The following NAV3 variants were observed in gnomAD, a reference collection of about 807,000 sequenced individuals.
NAV3 encodes the protein pore membrane and/or filament interacting like protein 1.
Under a neutral mutation model 244.7 loss-of-function variants are expected in NAV3, and 87 were observed. That is an observed-to-expected ratio of 0.36 (90% CI 0.30 to 0.42). The LOEUF (loss-of-function observed/expected upper bound fraction) is 0.42. Ranked by LOEUF, NAV3 falls within the 20% of genes least tolerant of loss-of-function variation. NAV3 has a pLI of 1.00. For missense variants in NAV3, 2,663 were observed against 2,893.3 expected (o/e 0.92, Z 1.83); for synonymous variants, 1,126 against 1,042.2 (o/e 1.08, Z -1.55).
intron 2 of NAV3, among the ~76,000 whole-genome samples, chr12:77,622,999 T>C (rs1246433620): frequency 6.6e-6 from 1 of 152,166 alleles, no homozygotes; most frequent in Admixed American, 6.5e-5. Flanking sequence ...AATACAATCT[T>C]TTGTTAGACA....
Position 78,119,776 on chromosome 12 carries a change from G to A in NAV3, c.3580G>A (p.Val1194Ile), listed in dbSNP as rs998421963. The A allele has an allele frequency of 5.6e-6, 9 of 1,613,934 alleles. No individual in the cohort carries two copies. The highest frequency in any genetic ancestry group is 2.2e-5 in the East Asian group (1 of 44,880). ...IGSGRSSPVT[V>I]NQTDKEKEKV... is the part of the protein sequence containing the mutation. Reference sequence around the variant, plus strand: ...GTCAGGGCGCTCGAGTCCTGTCACCGTCAACCAAACAGACAAGGAAAAGGA... The same window carrying A: ...GTCAGGGCGCTCGAGTCCTGTCACCATCAACCAAACAGACAAGGAAAAGGA... The change falls in exon 15 of 40, where the codon GTC becomes ATC. Residue 1194 changes from valine to isoleucine, a missense_variant. Around this residue, in one of 6 missense-constraint regions of NAV3, gnomAD observed 1,521 missense variants for 1,497.0 expected, o/e 1.02. Coordinates refer to ENST00000397909, the MANE Select transcript of NAV3 (RefSeq NM_001024383.2).
intron 1 of NAV3, among the ~76,000 whole-genome samples, chr12:77,867,932 TA>T (rs2136414570): frequency 6.6e-6 from 1 of 152,232 alleles, no homozygotes; most frequent in East Asian, 1.9e-4. Context: ...CAAATCTGAG[TA>T]AATCACTAGG....
In NAV3 at chr12:77,941,122, C is replaced by A; in HGVS notation, c.403C>A (p.Gln135Lys). 2 of 1,567,560 alleles carry A rather than the reference C, an allele frequency of 1.3e-6. No homozygotes were observed. Among genetic ancestry groups the A allele is most frequent in the South Asian group, 2.3e-5 (2 of 87,910 alleles). The change falls in exon 3 of 40, where the codon CAG becomes AAG. Residue 135 changes from glutamine to lysine, a missense_variant. This residue lies in a region of NAV3 where 1,521 missense variants were observed against 1,497.0 expected (regional missense o/e 1.02). Coordinates refer to ENST00000397909, the MANE Select transcript of NAV3 (RefSeq NM_001024383.2). ...AGATATCAATGGATGTCCTAGAAGT[C>A]AGTCTCAGATGGTAAGAATCATATT... ...VEDINGCPRS[Q>K]SQMIENVDVC...
At chr12:78,103,820 A>G (rs1424545195) in intron 12 of NAV3, among the ~76,000 whole-genome samples, 3 of 152,210 alleles carry the variant, frequency 2.0e-5, no homozygotes, top group African/African-American at 7.2e-5. Context: ...CCATGATTCA[A>G]ATGATCTCCA....
At chr12:77,768,998 T>A (rs1869933834) in intron 2 of NAV3, among the ~76,000 whole-genome samples, 1 of 152,222 alleles carries the variant, frequency 6.6e-6, no homozygotes. Context: ...TTACAGTGAG[T>A]CATACATTAA....
chr12:78,033,502 G>A (rs1879332702), intron 9 of NAV3, among the ~76,000 whole-genome samples: 1 of 151,920 alleles, frequency 6.6e-6, no homozygotes, highest in Admixed American at 6.6e-5. Flanking sequence ...ACATCTATAT[G>A]TGTGAATACA....
intron 2 of NAV3, among the ~76,000 whole-genome samples, chr12:77,709,148 A>T (rs938144254): frequency 3.3e-5 from 5 of 152,216 alleles, no homozygotes; most frequent in African/African-American, 9.6e-5. Context: ...CTGGTTCAAC[A>T]TATGCAAATC....
intron 5 of NAV3, among the ~76,000 whole-genome samples, chr12:77,986,989 A>G (rs908164743): frequency 6.6e-6 from 1 of 152,200 alleles, no homozygotes; most frequent in Non-Finnish European, 1.5e-5. Flanking sequence ...ATTTTAAATG[A>G]TAATATTTGC....
At chr12:78,109,486 G>A (rs775938381) in intron 12 of NAV3, among the ~76,000 whole-genome samples, 1 of 151,582 alleles carries the variant, frequency 6.6e-6, no homozygotes, top group Non-Finnish European at 1.5e-5. Context: ...ACCTGACAAG[G>A]ACACCACAAA....
chr12:78,092,775 C>T (rs1200037097), intron 12 of NAV3, among the ~76,000 whole-genome samples: 1 of 152,234 alleles, frequency 6.6e-6, no homozygotes. Context: ...GCTGGGATTA[C>T]AGGCGTGAGC....
At chr12:78,037,297 G>C (rs1336066461) in intron 9 of NAV3, 1 of 703,012 alleles carries the variant, frequency 1.4e-6, no homozygotes, top group Non-Finnish European at 2.6e-6. Context: ...GGAGAAAGCT[G>C]TTTGCGGGAA....
At chr12:77,880,366 C>T (rs1882472022) in intron 1 of NAV3, among the ~76,000 whole-genome samples, 1 of 152,112 alleles carries the variant, frequency 6.6e-6, no homozygotes, top group Non-Finnish European at 1.5e-5. Flanking sequence ...TGTTAGCATA[C>T]AGTAACTTCA....
intron 18 of NAV3, among the ~76,000 whole-genome samples, chr12:78,131,256 T>C (rs981534888): frequency 2.0e-5 from 3 of 152,218 alleles, no homozygotes; most frequent in Non-Finnish European, 4.4e-5. Flanking sequence ...CTTTTAGCAA[T>C]TGAAAACAAT....
At chr12:77,625,174 T>C (rs1314334667) in intron 2 of NAV3, among the ~76,000 whole-genome samples, 1 of 152,148 alleles carries the variant, frequency 6.6e-6, no homozygotes, top group Non-Finnish European at 1.5e-5. Context: ...AACTAATATA[T>C]ATGTATAAAA....
chr12:77,680,401 A>G (rs1874398623), intron 2 of NAV3, among the ~76,000 whole-genome samples: 1 of 152,068 alleles, frequency 6.6e-6, no homozygotes, highest in South Asian at 2.1e-4. Context: ...GGCATCATTT[A>G]CTTAACTGTG....
At chr12:77,581,812 G>A (rs933888317) in intron 2 of NAV3, among the ~76,000 whole-genome samples, 9 of 152,158 alleles carry the variant, frequency 5.9e-5, no homozygotes, top group Non-Finnish European at 1.5e-5. Flanking sequence ...TGAACTTAAT[G>A]TGTTTTCTGC....
chr12:77,726,060 C>T (rs193005705), intron 2 of NAV3, among the ~76,000 whole-genome samples: 13 of 101,718 alleles, frequency 1.3e-4, no homozygotes, highest in Admixed American at 1.0e-3. Context: ...TGAGGTCAAC[C>T]GATTAGCAAT....
intron 12 of NAV3, among the ~76,000 whole-genome samples, chr12:78,092,170 C>T (rs1953980308): frequency 6.6e-6 from 1 of 152,070 alleles, no homozygotes; most frequent in East Asian, 1.9e-4. Flanking sequence ...TTCAGGGTTA[C>T]TTTAACATTG....
At chr12:78,079,171 G>T (rs1415583873) in intron 12 of NAV3, among the ~76,000 whole-genome samples, 3 of 152,148 alleles carry the variant, frequency 2.0e-5, no homozygotes, top group Non-Finnish European at 4.4e-5. Context: ...GAACTGATGT[G>T]CCATTGAGTC....
Sources: allele counts gnomAD v4.1 joint callset (sites outside exome capture counted in the v4.1 genomes callset), GRCh38; gene constraint gnomAD v4.1.1; regional missense constraint gnomAD v4.1.1; transcripts MANE v1.5; gene names NCBI Gene and HGNC (gene_info 2026-07-23, HGNC 2026-07-21).